The following LPCAT2 variants were observed in gnomAD, a reference collection of about 807,000 sequenced individuals.
The protein encoded by LPCAT2 is 1-AGP acyltransferase 11.
In LPCAT2, 58 loss-of-function variants were observed where a neutral mutation model predicts 64.7. The observed-to-expected ratio is 0.90, with a 90% CI of 0.73 to 1.12. The LOEUF is 1.12. Ranked by LOEUF, LPCAT2 falls within the 50% of genes most tolerant of loss-of-function variation. The probability of loss-of-function intolerance (pLI) is 0.00; values close to 1 mark genes in which losing one functional copy is unlikely to be tolerated. For missense variants in LPCAT2, 579 were observed against 669.8 expected (o/e 0.86, Z 1.50); for synonymous variants, 252 against 245.3 (o/e 1.03, Z -0.26).
chr16:55,523,243 CAT>C (rs1165712323), intron 1 of LPCAT2, among the ~76,000 whole-genome samples: 1 of 151,710 alleles, frequency 6.6e-6, no homozygotes, highest in East Asian at 1.9e-4. Context: ...ATCAAAGCCA[CAT>C]GAGATATCCT....
intron 12 of LPCAT2, among the ~76,000 whole-genome samples, chr16:55,577,878 A>G (rs1364357640): frequency 6.6e-6 from 1 of 152,010 alleles, no homozygotes; most frequent in Admixed American, 6.6e-5. Flanking sequence ...TTTCACTTCT[A>G]TTCATCTCTT....
At chr16:55,550,664 C>T (rs866903303) in intron 10 of LPCAT2, among the ~76,000 whole-genome samples, 2 of 152,068 alleles carry the variant, frequency 1.3e-5, no homozygotes, top group African/African-American at 2.4e-5. Flanking sequence ...ACCTATAATC[C>T]CAACACCTTG....
At chr16:55,525,259 T>C (rs930785270) in intron 1 of LPCAT2, among the ~76,000 whole-genome samples, 1 of 152,076 alleles carries the variant, frequency 6.6e-6, no homozygotes, top group Non-Finnish European at 1.5e-5. Flanking sequence ...TTCACTTTCA[T>C]TGGTATGCAG....
intron 7 of LPCAT2, among the ~76,000 whole-genome samples, chr16:55,536,963 A>G (rs1596862999): frequency 6.6e-6 from 1 of 152,190 alleles, no homozygotes; most frequent in East Asian, 1.9e-4. Flanking sequence ...CAATTTTGAT[A>G]AAGCTTCCAC....
chr16:55,539,441 T>A (rs956227575), intron 8 of LPCAT2: 1 of 152,186 alleles, frequency 6.6e-6, no homozygotes, highest in Non-Finnish European at 1.5e-5. Context: ...AGAATCGTAG[T>A]GCAGAACAAG....
At chr16:55,520,471 CA>C (rs1963079584) in intron 1 of LPCAT2, among the ~76,000 whole-genome samples, 1 of 151,814 alleles carries the variant, frequency 6.6e-6, no homozygotes, top group South Asian at 2.1e-4. Flanking sequence ...ACAATCAAAC[CA>C]AAGATTAATA....
chr16:55,509,617 C>T (rs548478912), intron 1 of LPCAT2, among the ~76,000 whole-genome samples: 32 of 136,870 alleles, frequency 2.3e-4, no homozygotes, highest in African/African-American at 8.9e-4. Context: ...GGAGGGCGGT[C>T]GAGGGGCGCG....
chr16:55,582,251 C>T (rs775792976), intron 13 of LPCAT2, among the ~76,000 whole-genome samples: 2 of 152,172 alleles, frequency 1.3e-5, no homozygotes, highest in Non-Finnish European at 2.9e-5. Flanking sequence ...CCTTTCCCAA[C>T]CACACCCCTA....
In LPCAT2 at chr16:55,574,705, G is replaced by C. The variant is rs1265268383; in HGVS notation, c.1290G>C (p.Glu430Asp). 3 of 1,613,310 alleles carry C rather than the reference G, an allele frequency of 1.9e-6. No homozygotes were observed. ...TCTTGTGCAACCCTTCCAACACAGAGGAGATCATCCAGGTGGCATTTAAGG... is the reference window on the plus strand; with the variant it reads ...TCTTGTGCAACCCTTCCAACACAGACGAGATCATCCAGGTGGCATTTAAGG... ...LAVLCNPSNTEEIIQVAFKLF... is the reference protein window; with the variant it reads ...LAVLCNPSNTDEIIQVAFKLF... The change falls in exon 12 of 14, where the codon GAG becomes GAC. Residue 430 changes from glutamate (E) to aspartate (D), a missense_variant. Physicochemically the swap from Glu to Asp is conservative, Grantham distance 45 (BLOSUM62 2). Coordinates refer to ENST00000262134, the MANE Select transcript of LPCAT2 (RefSeq NM_017839.5).
intron 8 of LPCAT2, chr16:55,538,952 T>G (rs1215527035): frequency 6.6e-6 from 1 of 152,172 alleles, no homozygotes; most frequent in Non-Finnish European, 1.5e-5. Context: ...CTGCTCTTGC[T>G]TCTTTAATAG....
In LPCAT2 at chr16:55,509,317, C is replaced by T. The variant is rs779365528; in HGVS notation, c.136C>T (p.Gln46Ter). 1.3e-6 allele frequency: 2 copies of T among 1,486,150 alleles called. No individual in the cohort carries two copies. Among genetic ancestry groups the T allele is most frequent in the African/African-American group, 1.4e-5 (1 of 69,262 alleles). 92.1% of individuals were successfully genotyped at this position (1,486,150 alleles called of 1,614,324 possible). ...FPPPVPNPFV[Q>*]QTQIGSARRV... ...GCCGCCGGTGCCGAACCCCTTCGTGCAGCAGACGCAGATCGGCTCCGCGAG... is the reference window on the plus strand; with the variant it reads ...GCCGCCGGTGCCGAACCCCTTCGTGTAGCAGACGCAGATCGGCTCCGCGAG... The change falls in exon 1 of 14, where the codon CAG (glutamine) becomes TAG (stop). Residue 46 changes from glutamine (Q) to a stop codon, truncating the protein, a stop_gained. Coordinates refer to ENST00000262134, the MANE Select transcript of LPCAT2 (RefSeq NM_017839.5). LOFTEE classifies it high-confidence loss of function.
chr16:55,567,202 A>T, intron 11 of LPCAT2: 2 of 1,613,868 alleles, frequency 1.2e-6, no homozygotes, highest in Non-Finnish European at 1.7e-6. Context: ...TATCTGTGGA[A>T]CAACATCAAG....
intron 8 of LPCAT2, chr16:55,538,682 A>C (rs78575711): frequency 1.1e-3 from 6 of 5,366 alleles, no homozygotes; most frequent in African/African-American, 1.6e-3. Flanking sequence ...CTGTGGCCAA[A>C]AAAAAAAAAA....
intron 1 of LPCAT2, 113 bp from the exon 2 acceptor site, chr16:55,525,395 A>G (rs761165863): frequency 3.1e-5 from 26 of 851,270 alleles, no homozygotes; most frequent in Middle Eastern, 2.7e-4. Flanking sequence ...TAGTCAATTC[A>G]TCCTTGACTG....
At chr16:55,522,299 G>A (rs1265984656) in intron 1 of LPCAT2, among the ~76,000 whole-genome samples, 1 of 151,640 alleles carries the variant, frequency 6.6e-6, no homozygotes, top group African/African-American at 2.4e-5. Flanking sequence ...TCACTACACT[G>A]AAAACTACAA....
At chr16:55,574,569 A>G (rs1369524095) in intron 11 of LPCAT2, 62 bp from the exon 12 acceptor site, 2 of 1,107,260 alleles carry the variant, frequency 1.8e-6, no homozygotes, top group Non-Finnish European at 2.8e-6. Context: ...TTTACCTTGT[A>G]GTAGGATTAA....
chr16:55,532,976 C>T, intron 6 of LPCAT2, 94 bp downstream of exon 6: 1 of 1,042,184 alleles, frequency 9.6e-7, no homozygotes, highest in Non-Finnish European at 1.4e-6. Context: ...AGGTTGTGAA[C>T]AGATAAATGG....
At chr16:55,521,852 A>G (rs1367780755) in intron 1 of LPCAT2, among the ~76,000 whole-genome samples, 1 of 151,716 alleles carries the variant, frequency 6.6e-6, no homozygotes, top group East Asian at 1.9e-4. Context: ...AACTCTCTCC[A>G]TCAGATACAG....
At chr16:55,566,613 G>A in intron 11 of LPCAT2, 1 of 846,680 alleles carries the variant, frequency 1.2e-6, no homozygotes, top group Non-Finnish European at 1.8e-6. Context: ...AGTAGGATGT[G>A]AAACATCACA....
Sources: allele counts gnomAD v4.1 joint callset (sites outside exome capture counted in the v4.1 genomes callset), GRCh38; gene constraint gnomAD v4.1.1; transcripts MANE v1.5; gene names NCBI Gene and HGNC (gene_info 2026-07-23, HGNC 2026-07-21).